RERE: variants seen among roughly 807,000 people sequenced by gnomAD.
RERE encodes the protein arginine-glutamic acid dipeptide repeats.
In RERE, 40 loss-of-function variants were observed where a neutral mutation model predicts 146.1. The observed-to-expected ratio is 0.27, with a 90% confidence interval of 0.21 to 0.36. RERE has a LOEUF of 0.36. Ranked by LOEUF, RERE falls within the 10% of genes least tolerant of loss-of-function variation. RERE has a pLI of 1.00. For synonymous variants in RERE, 1,003 were observed against 866.0 expected (o/e 1.16, Z -2.78); for missense variants, 1,933 against 2,138.7 (o/e 0.90, Z 1.90).
At chr1:8,528,399 G>T (rs929898972) in intron 7 of RERE, among the ~76,000 whole-genome samples, 1 of 147,352 alleles carries the variant, frequency 6.8e-6, no homozygotes, top group African/African-American at 2.4e-5. Flanking sequence ...AACTATATTG[G>T]ACTATATCAT....
At chr1:8,454,784 G>A (rs55650673) in intron 11 of RERE, among the ~76,000 whole-genome samples, 7,282 of 151,802 alleles carry the variant, frequency 0.048, 244 homozygotes, top group Middle Eastern at 0.086. Context: ...CAGCCTGGGC[G>A]ACAGGGTAAG....
intron 1 of RERE, among the ~76,000 whole-genome samples, chr1:8,792,132 A>G (rs1424951774): frequency 6.6e-6 from 1 of 152,220 alleles, no homozygotes; most frequent in Non-Finnish European, 1.5e-5. Context: ...AAGACAAAGT[A>G]TAAGAGCGCC....
chr1:8,677,468 AAG>A (rs1217743210), intron 1 of RERE, among the ~76,000 whole-genome samples: 1 of 151,780 alleles, frequency 6.6e-6, no homozygotes, highest in African/African-American at 2.4e-5. Flanking sequence ...AAAAAAAAAA[AAG>A]AAATTGTTGA....
intron 10 of RERE, among the ~76,000 whole-genome samples, chr1:8,494,164 ACTTTT>A (rs1474808503): frequency 1.3e-5 from 2 of 152,174 alleles, no homozygotes; most frequent in East Asian, 1.9e-4. Context: ...ATTTCCCTTT[ACTTTT>A]AATTTTTTAG....
chr1:8,743,244 A>T (rs956831691), intron 1 of RERE, among the ~76,000 whole-genome samples: 4 of 152,010 alleles, frequency 2.6e-5, no homozygotes, highest in Non-Finnish European at 4.4e-5. Context: ...AAAAAATTTT[A>T]AAAATTAGCC....
intron 1 of RERE, among the ~76,000 whole-genome samples, chr1:8,774,447 G>C (rs1382887169): frequency 2.1e-5 from 3 of 145,828 alleles, no homozygotes; most frequent in Non-Finnish European, 4.5e-5. Flanking sequence ...TCCGCCTCCT[G>C]GGTTCAAGCG....
chr1:8,398,385 T>G (rs1480577672), intron 12 of RERE, among the ~76,000 whole-genome samples: 1 of 152,198 alleles, frequency 6.6e-6, no homozygotes, highest in Non-Finnish European at 1.5e-5. Context: ...CTGTGTGCTT[T>G]GCTCAGGGTT....
At chr1:8,416,832 A>G (rs1384178852) in intron 12 of RERE, among the ~76,000 whole-genome samples, 7 of 152,190 alleles carry the variant, frequency 4.6e-5, no homozygotes, top group Non-Finnish European at 1.0e-4. Context: ...CCTAAACTTT[A>G]CAGTACTTTG....
At chr1:8,500,692 C>G (rs1351095123) in intron 8 of RERE, among the ~76,000 whole-genome samples, 1 of 151,774 alleles carries the variant, frequency 6.6e-6, no homozygotes, top group Non-Finnish European at 1.5e-5. Context: ...TATGAGGAGC[C>G]TCTCTGCCTG....
Position 8,361,248 on chromosome 1 carries a change from T to G in RERE, c.2259A>C (p.Ser753=). The G allele has an allele frequency of 1.9e-6, 3 of 1,564,242 alleles. No individual in the cohort carries two copies. Among genetic ancestry groups the G allele is most frequent in the Non-Finnish European group, 1.7e-6 (2 of 1,157,678 alleles). Residue 753 remains serine, a synonymous_variant, in exon 18 of 23, where the codon TCA becomes TCC. Coordinates refer to ENST00000400908, the MANE Select transcript of RERE (RefSeq NM_001042681.2). ...GCAGCTGAGGGGTCCCTGGAGGAGC[T>G]GAGGAGGGAGCTGGGGTGACCCCAG... ...APTGVTPAPS[S]APPGTPQLPT... is the part of the protein sequence containing the mutation.
chr1:8,481,159 C>G (rs1465565916), intron 10 of RERE, among the ~76,000 whole-genome samples: 2 of 152,198 alleles, frequency 1.3e-5, no homozygotes, highest in East Asian at 3.8e-4. Context: ...GCTCTGTCAC[C>G]AGGCTGGAGT....
intron 11 of RERE, among the ~76,000 whole-genome samples, chr1:8,442,802 G>T (rs1037792982): frequency 6.6e-6 from 1 of 152,184 alleles, no homozygotes; most frequent in Non-Finnish European, 1.5e-5. Flanking sequence ...CTGGTTAAAT[G>T]GTTGTGACCA....
At chr1:8,455,443 T>C (rs938742734) in intron 11 of RERE, among the ~76,000 whole-genome samples, 3 of 151,982 alleles carry the variant, frequency 2.0e-5, no homozygotes, top group African/African-American at 7.3e-5. Context: ...TAATAGAACA[T>C]CTCAACCACA....
intron 1 of RERE, among the ~76,000 whole-genome samples, chr1:8,698,753 C>A (rs1294330237): frequency 2.0e-5 from 3 of 151,966 alleles, no homozygotes; most frequent in Non-Finnish European, 4.4e-5. Context: ...CTCCAGAGAT[C>A]GAGATCTTCC....
intron 1 of RERE, among the ~76,000 whole-genome samples, chr1:8,692,995 A>G (rs954603025): frequency 6.6e-6 from 1 of 152,192 alleles, no homozygotes; most frequent in African/African-American, 2.4e-5. Flanking sequence ...GTAGAGAAAA[A>G]TAAAAACTGT....
intron 1 of RERE, among the ~76,000 whole-genome samples, chr1:8,735,319 T>A (rs1298962429): frequency 6.6e-6 from 1 of 152,204 alleles, no homozygotes; most frequent in African/African-American, 2.4e-5. Flanking sequence ...TTATAATATA[T>A]ATGCATGGTA....
intron 7 of RERE, among the ~76,000 whole-genome samples, chr1:8,539,830 G>A (rs111327450): frequency 0.012 from 1,863 of 152,144 alleles, 35 homozygotes; most frequent in African/African-American, 0.043. Context: ...AATATTGAGA[G>A]GAAGAGAGGG....
At chr1:8,479,585 C>T (rs1406385503) in intron 10 of RERE, among the ~76,000 whole-genome samples, 2 of 152,126 alleles carry the variant, frequency 1.3e-5, no homozygotes, top group African/African-American at 4.8e-5. Flanking sequence ...GGAGAAGACA[C>T]AGACACACAG....
chr1:8,367,278 G>A (rs1258577493), intron 12 of RERE, among the ~76,000 whole-genome samples: 1 of 152,240 alleles, frequency 6.6e-6, no homozygotes, highest in African/African-American at 2.4e-5. Flanking sequence ...AGAACACAGT[G>A]ACAAGAGAGG....
Sources: allele counts gnomAD v4.1 joint callset (sites outside exome capture counted in the v4.1 genomes callset), GRCh38; gene constraint gnomAD v4.1.1; transcripts MANE v1.5; gene names NCBI Gene and HGNC (gene_info 2026-07-23, HGNC 2026-07-21).